Variants in ZNF773 observed in about 807,000 individuals in gnomAD.
ZNF773 encodes the protein zinc finger protein 773, also known as zinc finger protein 419B.
A neutral mutation model predicts 12.8 loss-of-function variants in ZNF773; 11 were observed. That is an observed-to-expected ratio of 0.86 (90% CI 0.54 to 1.42). The LOEUF (loss-of-function observed/expected upper bound fraction) is 1.42. Among genes scored for constraint, ZNF773 ranks in the 40% most tolerant of loss-of-function variants. ZNF773 has a pLI of 0.00. For missense variants in ZNF773, 518 were observed against 527.2 expected, an observed-to-expected ratio of 0.98 and a Z score of 0.17; for synonymous variants, 175 against 178.4, an observed-to-expected ratio of 0.98 and a Z score of 0.15.
chr19:57,506,636 A>G lies in ZNF773; in HGVS notation c.541A>G (p.Arg181Gly), dbSNP rs371472434. 1.2e-5 allele frequency: 19 copies of G among 1,614,126 alleles called. No homozygotes were observed. The South Asian group carries it at 1.3e-4, about 11-fold the overall frequency. Reference protein sequence around the residue: ...GEKSHRSSKSREAFHAGKRHY... With the variant: ...GEKSHRSSKSGEAFHAGKRHY... ...GAAGTCACATAGGAGCTCCAAAAGTAGGGAGGCCTTTCATGCTGGAAAAAG... is the reference window on the plus strand; with the variant it reads ...GAAGTCACATAGGAGCTCCAAAAGTGGGGAGGCCTTTCATGCTGGAAAAAG... Residue 181 changes from arginine (R) to glycine (G), a missense_variant, in exon 4 of 4, where the codon AGG (arginine) becomes GGG (glycine). Coordinates refer to ENST00000282292, the MANE Select transcript of ZNF773 (RefSeq NM_198542.3).
downstream of ZNF773, chr19:57,516,703 A>C (rs2089834190): frequency 6.6e-6 from 1 of 152,192 alleles, no homozygotes; most frequent in Non-Finnish European, 1.5e-5. Context: ...CATCACCCAA[A>C]TTGTATTGAT....
At chr19:57,502,961 G>T (rs1272151236) in intron 1 of ZNF773, among the ~76,000 whole-genome samples, 1 of 152,190 alleles carries the variant, frequency 6.6e-6, no homozygotes, top group Non-Finnish European at 1.5e-5. Flanking sequence ...AAAGTGCTGG[G>T]ATTACAGACA....
In ZNF773 at chr19:57,506,800, T is replaced by C. The variant is rs2089742266; in HGVS notation, c.705T>C (p.Phe235=). The C allele has an allele frequency of 6.2e-7, 1 of 1,614,146 alleles. No homozygotes were observed. The highest frequency in any genetic ancestry group is 8.5e-7 in the Non-Finnish European group (1 of 1,180,020). Residue 235 remains phenylalanine (F), a synonymous_variant, in exon 4 of 4, where the codon TTT becomes TTC. Coordinates refer to ENST00000282292, the MANE Select transcript of ZNF773 (RefSeq NM_198542.3). ...GKLFSHKSNL[F]IHQIVHTGER... is the part of the protein sequence containing the mutation. ...TATTTAGCCATAAGTCCAACCTTTT[T>C]ATACACCAAATAGTTCACACTGGAG...
downstream of ZNF773, chr19:57,513,267 C>T (rs2089810953): frequency 2.2e-6 from 1 of 445,062 alleles, no homozygotes; most frequent in Non-Finnish European, 3.7e-6. Context: ...TTTACTTAAA[C>T]AATCTGGTGC....
chr19:57,507,896 C>A lies in ZNF773; in HGVS notation c.*472C>A. ...GCTGAGGCAGAAGAATGGCATGAAC[C>A]TAGGAGGCAGAGTTTGCGGTGAGCT... On this transcript the variant is annotated 3_prime_UTR_variant, in exon 4 of 4. Transcript: ENST00000282292. 4.9e-6 allele frequency: 1 copy of A among 205,358 alleles called. No homozygotes were observed. The highest frequency in any genetic ancestry group is 8.8e-6 in the Non-Finnish European group (1 of 113,620). The allele number at this position is 205,358 out of a possible 1,614,324, so 12.7% of individuals were successfully genotyped here.
At chr19:57,502,250 A>G (rs2089679252) in intron 1 of ZNF773, among the ~76,000 whole-genome samples, 1 of 152,102 alleles carries the variant, frequency 6.6e-6, no homozygotes, top group Non-Finnish European at 1.5e-5. Context: ...CCCAGATTAT[A>G]TGTTATATGG....
chr19:57,505,751 C>G (rs552026985), intron 3 of ZNF773, among the ~76,000 whole-genome samples: 30 of 148,854 alleles, frequency 2.0e-4, no homozygotes, highest in Non-Finnish European at 4.0e-4. Flanking sequence ...TGCTCTGTCG[C>G]CTAGGCTGGA....
downstream of ZNF773, chr19:57,517,066 G>C (rs1312773358): frequency 6.6e-6 from 1 of 152,224 alleles, no homozygotes; most frequent in Non-Finnish European, 1.5e-5. Flanking sequence ...TTTGGGTTGG[G>C]ACACTATCCA....
At chr19:57,503,965 C>T (rs1169219388) in intron 1 of ZNF773, among the ~76,000 whole-genome samples, 2 of 152,230 alleles carry the variant, frequency 1.3e-5, no homozygotes, top group East Asian at 1.9e-4. Flanking sequence ...TCCTGGCCTT[C>T]GATTCTAATG....
chr19:57,511,828 C>A (rs1189451814), downstream of ZNF773, among the ~76,000 whole-genome samples: 16 of 151,520 alleles, frequency 1.1e-4, 1 homozygote, highest in Admixed American at 7.9e-4. Flanking sequence ...CATTCAACAA[C>A]ATAAAAAATA....
intron 3 of ZNF773, among the ~76,000 whole-genome samples, chr19:57,506,135 G>A (rs1307187130): frequency 6.6e-6 from 1 of 152,092 alleles, no homozygotes; most frequent in Non-Finnish European, 1.5e-5. Context: ...TCCTCCTTGT[G>A]CTACACCACA....
chr19:57,504,546 C>G (rs1335284535), intron 1 of ZNF773, 111 bp from the exon 2 acceptor site: 3 of 1,507,904 alleles, frequency 2.0e-6, no homozygotes, highest in South Asian at 1.3e-5. Flanking sequence ...GGCAGGGTCT[C>G]TCTTCTGAGA....
chr19:57,502,679 T>TA (rs2089683463), intron 1 of ZNF773, among the ~76,000 whole-genome samples: 1 of 151,898 alleles, frequency 6.6e-6, no homozygotes, highest in Non-Finnish European at 1.5e-5. Context: ...AAGTCTGCGT[T>TA]TTTTTTGTTT....
At chr19:57,503,798 C>T (rs2089695869) in intron 1 of ZNF773, among the ~76,000 whole-genome samples, 1 of 152,030 alleles carries the variant, frequency 6.6e-6, no homozygotes, top group Admixed American at 6.6e-5. Context: ...GCTGGGATTA[C>T]AGGCATGCGC....
At chr19:57,512,965 C>T, downstream of ZNF773, 2 of 1,486,620 alleles carry the variant, frequency 1.3e-6, no homozygotes, top group East Asian at 2.9e-5. Flanking sequence ...CCCTCTGACC[C>T]CTTCTTTAAA....
At chr19:57,505,133 C>T (rs747894301) in intron 2 of ZNF773, 169 bp from the exon 3 acceptor site, 108 of 833,614 alleles carry the variant, frequency 1.3e-4, no homozygotes, top group South Asian at 4.9e-4. Flanking sequence ...ACCTGGGTGT[C>T]GGTCTGTGCC....
rs139547118 is a variant in ZNF773, at chr19:57,501,055, C to T, written c.33+942C>T. Among the ~76,000 whole-genome samples, 582 of 152,166 alleles carry T rather than the reference C, an allele frequency of 3.8e-3. 3 individuals are homozygous for T. The highest frequency in any genetic ancestry group is 4.7e-3 in the Non-Finnish European group (323 of 68,010). On this transcript the variant is annotated intron_variant, in intron 1 of 3. Transcript: ENST00000282292. Reference sequence around the variant, plus strand: ...TTGGGTAGTATATAGGTTTGCCACTCCAGGCTTAGTAGTTCCTCATGTCCA... The same window carrying T: ...TTGGGTAGTATATAGGTTTGCCACTTCAGGCTTAGTAGTTCCTCATGTCCA...
At chr19:57,503,193 A>G (rs1241557947) in intron 1 of ZNF773, among the ~76,000 whole-genome samples, 7 of 152,212 alleles carry the variant, frequency 4.6e-5, no homozygotes, top group Admixed American at 3.9e-4. Flanking sequence ...TGAAGGGTTC[A>G]GATTGGAAAC....
Position 57,507,264 on chromosome 19 carries a change from A to G in ZNF773, c.1169A>G (p.Asn390Ser), listed in dbSNP as rs770158294. Reference sequence around the variant, plus strand: ...ACTGGAGAAAAACCTTTTAAGTGCAATGAATGTGGGAGATTCTTTAGTGAG... The same window carrying G: ...ACTGGAGAAAAACCTTTTAAGTGCAGTGAATGTGGGAGATTCTTTAGTGAG... ...VHTGEKPFKC[N>S]ECGRFFSENS... is the part of the protein sequence containing the mutation. Residue 390 changes from asparagine (N) to serine (S), a missense_variant, in exon 4 of 4, where the codon AAT becomes AGT. Physicochemically the swap from Asn to Ser is conservative, Grantham distance 46. Transcript: ENST00000282292. 1.5e-4 allele frequency: 249 copies of G among 1,610,998 alleles called. No individual in the cohort carries two copies. The highest frequency in any genetic ancestry group is 2.0e-4 in the Non-Finnish European group (232 of 1,177,980).
Sources: allele counts gnomAD v4.1 joint callset (sites outside exome capture counted in the v4.1 genomes callset), GRCh38; gene constraint gnomAD v4.1.1; transcripts MANE v1.5; gene names NCBI Gene and HGNC (gene_info 2026-07-23, HGNC 2026-07-21).